PPP2R2C: variants seen among roughly 807,000 people sequenced by gnomAD.
The protein encoded by PPP2R2C is protein phosphatase 2 regulatory subunit Bgamma.
In PPP2R2C, 10 loss-of-function variants were observed where a neutral mutation model predicts 45.3. That is an observed-to-expected ratio of 0.22 (90% CI 0.14 to 0.37). The LOEUF is 0.37. Among genes scored for constraint, PPP2R2C ranks in the 10% least tolerant of loss-of-function variants. The pLI is 1.00. For synonymous variants in PPP2R2C, 257 were observed against 245.4 expected (o/e 1.05, Z -0.44); for missense variants, 308 against 619.7 (o/e 0.50, Z 5.34).
chr4:6,353,070 A>G (rs536865504), intron 5 of PPP2R2C, among the ~76,000 whole-genome samples: 3 of 152,222 alleles, frequency 2.0e-5, no homozygotes, highest in African/African-American at 7.2e-5. Context: ...CAGAGAGAGC[A>G]CGGCCCTGCC....
intron 8 of PPP2R2C, among the ~76,000 whole-genome samples, chr4:6,325,809 G>T (rs945918323): frequency 6.6e-6 from 1 of 152,184 alleles, no homozygotes; most frequent in African/African-American, 2.4e-5. Flanking sequence ...ACCTCTCCTA[G>T]CCTCATCTGC....
intron 1 of PPP2R2C, among the ~76,000 whole-genome samples, chr4:6,438,492 T>A (rs1293032167): frequency 6.6e-6 from 1 of 152,216 alleles, no homozygotes; most frequent in Non-Finnish European, 1.5e-5. Context: ...TTCAGCTCCC[T>A]CCCTTTCAGC....
chr4:6,559,822 C>A (rs1725519573), intron 1 of PPP2R2C, among the ~76,000 whole-genome samples: 1 of 152,202 alleles, frequency 6.6e-6, no homozygotes. Flanking sequence ...CTTCCAGCCT[C>A]CAGAACGGTG....
chr4:6,535,518 C>T (rs1416613495), intron 1 of PPP2R2C: 1 of 601,894 alleles, frequency 1.7e-6, no homozygotes, highest in East Asian at 3.1e-5. Flanking sequence ...CAGCCCTGGG[C>T]CAGGGTTGGA....
intron 2 of PPP2R2C, among the ~76,000 whole-genome samples, chr4:6,504,056 G>T (rs1181993170): frequency 6.6e-6 from 1 of 152,230 alleles, no homozygotes; most frequent in Non-Finnish European, 1.5e-5. Flanking sequence ...GCACCATTCA[G>T]AGAGCTACAA....
intron 1 of PPP2R2C, among the ~76,000 whole-genome samples, chr4:6,557,419 G>A (rs986296511): frequency 1.3e-5 from 2 of 152,150 alleles, no homozygotes; most frequent in Admixed American, 1.3e-4. Context: ...AAAAGATGAT[G>A]ACGTTGGACC....
At chr4:6,511,542 G>A (rs1577229422) in intron 2 of PPP2R2C, among the ~76,000 whole-genome samples, 1 of 42,460 alleles carries the variant, frequency 2.4e-5, no homozygotes, top group Admixed American at 2.7e-4. Flanking sequence ...TGGTGGTGGT[G>A]GTGATGGTGG....
chr4:6,323,230 T>C lies in PPP2R2C; in HGVS notation c.*72A>G, dbSNP rs371613753. 50 of 1,505,000 alleles carry C rather than the reference T, an allele frequency of 3.3e-5. No individual in the cohort carries two copies. The highest frequency in any genetic ancestry group is 4.4e-5 in the Non-Finnish European group (49 of 1,107,028). The allele number at this position is 1,505,000 out of a possible 1,614,324, so 93.2% of individuals were successfully genotyped here. ...CTGTGACTTTCTTCCCCTCCTTGCA[T>C]TGCGGTCGTGAAGGTCATGTCGGGG... On this transcript the variant is annotated 3_prime_UTR_variant, in exon 9 of 9. Coordinates refer to ENST00000382599, the MANE Select transcript of PPP2R2C (RefSeq NM_020416.4).
intron 1 of PPP2R2C, among the ~76,000 whole-genome samples, chr4:6,552,510 C>A (rs990651739): frequency 1.3e-5 from 2 of 151,982 alleles, no homozygotes; most frequent in Admixed American, 1.3e-4. Context: ...TCTCCTCTTT[C>A]TTTCTCCCTC....
intron 5 of PPP2R2C, among the ~76,000 whole-genome samples, chr4:6,362,525 C>A (rs948222257): frequency 6.6e-6 from 1 of 152,182 alleles, no homozygotes; most frequent in Non-Finnish European, 1.5e-5. Flanking sequence ...TGCAATTGGG[C>A]CTGTCTTTCC....
At chr4:6,393,791 G>A (rs1287099008) in intron 1 of PPP2R2C, among the ~76,000 whole-genome samples, 1 of 152,234 alleles carries the variant, frequency 6.6e-6, no homozygotes, top group East Asian at 1.9e-4. Flanking sequence ...GAGGTGGACG[G>A]GGTAGTTGTG....
chr4:6,469,723 A>T (rs961087868), intron 1 of PPP2R2C, among the ~76,000 whole-genome samples: 4 of 152,244 alleles, frequency 2.6e-5, no homozygotes, highest in Non-Finnish European at 5.9e-5. Context: ...ACATGATTCA[A>T]GTCTGACATT....
chr4:6,362,052 G>C (rs76306579), intron 5 of PPP2R2C, among the ~76,000 whole-genome samples: 1 of 151,956 alleles, frequency 6.6e-6, no homozygotes, highest in African/African-American at 2.4e-5. Flanking sequence ...GGGTGAGGGG[G>C]TTGAAGAGGG....
At position 6,384,847 on chromosome 4, in the gene PPP2R2C, G is replaced by C. The variant is rs116660812; in HGVS notation, c.71-3753C>G. ...CCCTCCATGAGAGACTACGCCATGA[G>C]CTCTTTGCAGACAGAAGTGCTGGTT... On this transcript the variant is annotated intron_variant, in intron 1 of 8. Transcript: ENST00000382599. The C allele has an allele frequency of 1.1e-3, 1,103 of 985,448 alleles. 13 individuals are homozygous for C. The African/African-American group carries it at 0.018, about 16-fold the overall frequency. 61.0% of individuals were successfully genotyped at this position (985,448 alleles called of 1,614,324 possible).
At chr4:6,401,293 A>C (rs558010477) in intron 1 of PPP2R2C, among the ~76,000 whole-genome samples, 2 of 152,218 alleles carry the variant, frequency 1.3e-5, no homozygotes, top group South Asian at 2.1e-4. Context: ...GCAACCCACA[A>C]ATAGAAGCTC....
chr4:6,372,817 C>T, intron 4 of PPP2R2C, 117 bp from the exon 5 acceptor site: 3 of 1,062,690 alleles, frequency 2.8e-6, no homozygotes, highest in Non-Finnish European at 4.2e-6. Flanking sequence ...GGCGTCCATC[C>T]TGATCCTCCG....
chr4:6,336,031 AG>A (rs1732818335), intron 6 of PPP2R2C, among the ~76,000 whole-genome samples: 1 of 152,114 alleles, frequency 6.6e-6, no homozygotes. Context: ...TCCTGAGGGC[AG>A]GTGGTCGCTC....
At chr4:6,358,431 G>A (rs1397800726) in intron 5 of PPP2R2C, among the ~76,000 whole-genome samples, 2 of 151,144 alleles carry the variant, frequency 1.3e-5, no homozygotes, top group African/African-American at 2.4e-5. Flanking sequence ...CATGGGCAAG[G>A]ACTTCATGAC....
intron 1 of PPP2R2C, among the ~76,000 whole-genome samples, chr4:6,428,867 C>G (rs2019126): frequency 1.3e-5 from 2 of 152,150 alleles, no homozygotes; most frequent in Non-Finnish European, 2.9e-5. Flanking sequence ...AGTGGCAGAG[C>G]GGGTTTCGAA....
Sources: gnomAD v4.1 joint callset for allele counts (sites outside exome capture counted in the v4.1 genomes callset) on GRCh38, gnomAD v4.1.1 for gene constraint, MANE v1.5 for transcripts, NCBI Gene and HGNC (gene_info 2026-07-23, HGNC 2026-07-21) for gene names.